GALNT17: variants seen among roughly 807,000 people sequenced by gnomAD.
The protein encoded by GALNT17 is UDP-GalNAc:polypeptide N-acetylgalactosaminyltransferase-like 3.
A neutral mutation model predicts 63.7 loss-of-function variants in GALNT17; 29 were observed. The ratio of observed to expected loss-of-function variants is 0.46; its 90% CI spans 0.34 to 0.62. The LOEUF (loss-of-function observed/expected upper bound fraction) is 0.62. Among genes scored for constraint, GALNT17 ranks in the 20% least tolerant of loss-of-function variants. GALNT17 has a pLI of 0.01. For synonymous variants in GALNT17, 305 were observed against 318.3 expected, an observed-to-expected ratio of 0.96 and a Z score of 0.45; for missense variants, 603 against 799.6, an observed-to-expected ratio of 0.75 and a Z score of 2.97.
In GALNT17 at chr7:71,448,922, GGA is replaced by G. The variant is rs200627708; in HGVS notation, c.962+27821_962+27822del. On this transcript the variant is annotated intron_variant, in intron 5 of 10. Transcript: ENST00000333538. ...AGGTAGCCAGTGGGGGTAATGACTG[GGA>G]GAGTGCATAGAAGGGATTTCTAGGA... is the stretch of plus-strand genomic sequence containing the variant. Among the ~76,000 whole-genome samples the G allele has an allele frequency of 5.0e-3, 756 of 152,000 alleles. 4 individuals are homozygous for G. The highest frequency in any genetic ancestry group is 0.015 in the African/African-American group (631 of 41,464).
intron 5 of GALNT17, among the ~76,000 whole-genome samples, chr7:71,557,171 C>T (rs548668429): frequency 6.6e-6 from 1 of 151,924 alleles, no homozygotes; most frequent in East Asian, 1.9e-4. Flanking sequence ...GGATTACAGG[C>T]GTGAACCACC....
intron 5 of GALNT17, among the ~76,000 whole-genome samples, chr7:71,489,273 G>T (rs548345260): frequency 6.6e-6 from 1 of 152,206 alleles, no homozygotes; most frequent in South Asian, 2.1e-4. Context: ...CTTCAGATGG[G>T]TCAGCCGGAC....
intron 6 of GALNT17, among the ~76,000 whole-genome samples, chr7:71,664,777 T>C (rs967896085): frequency 3.3e-5 from 5 of 152,194 alleles, no homozygotes; most frequent in Admixed American, 3.3e-4. Context: ...TTGTGCATTA[T>C]TGAGAACATA....
intron 9 of GALNT17, among the ~76,000 whole-genome samples, chr7:71,705,457 T>C (rs960306783): frequency 4.6e-5 from 7 of 152,128 alleles, no homozygotes; most frequent in Non-Finnish European, 2.9e-5. Context: ...AGTTTGGCAG[T>C]TCCGTAGAAA....
Position 71,710,946 on chromosome 7 carries a change from A to G in GALNT17, c.1668+18A>G, listed in dbSNP as rs1277965998. On this transcript the variant is annotated intron_variant, in intron 10 of 10. Coordinates refer to ENST00000333538, the MANE Select transcript of GALNT17 (RefSeq NM_022479.3). ...TCATCCAGGTGAGTGCTGTATGGAC[A>G]GAGCCAGCACCCAGAGTAGCTGCAA... 6.2e-7 allele frequency: 1 copy of G among 1,611,790 alleles called. No individual in the cohort carries two copies. Among genetic ancestry groups the G allele is most frequent in the East Asian group, 2.2e-5 (1 of 44,864 alleles).
At chr7:71,426,402 G>C (rs1409060904) in intron 5 of GALNT17, among the ~76,000 whole-genome samples, 3 of 152,194 alleles carry the variant, frequency 2.0e-5, no homozygotes, top group African/African-American at 7.2e-5. Flanking sequence ...TAAATCTGCT[G>C]TCTTAAGCTC....
At chr7:71,139,790 C>G (rs1459735729) in intron 1 of GALNT17, among the ~76,000 whole-genome samples, 1 of 152,008 alleles carries the variant, frequency 6.6e-6, no homozygotes. Context: ...GTCAGGAGTT[C>G]CAGACCAGCC....
intron 4 of GALNT17, among the ~76,000 whole-genome samples, chr7:71,420,073 T>C (rs1356777396): frequency 6.6e-6 from 1 of 152,188 alleles, no homozygotes; most frequent in East Asian, 1.9e-4. Context: ...GGGAGATTAA[T>C]GCCCTGGCTT....
At chr7:71,397,438 G>T (rs75421415) in intron 3 of GALNT17, among the ~76,000 whole-genome samples, 1 of 152,048 alleles carries the variant, frequency 6.6e-6, no homozygotes. Flanking sequence ...TGAGAGATAC[G>T]AGATATGATA....
At chr7:71,441,083 C>T (rs909298129) in intron 5 of GALNT17, among the ~76,000 whole-genome samples, 3 of 151,198 alleles carry the variant, frequency 2.0e-5, no homozygotes, top group African/African-American at 7.3e-5. Flanking sequence ...AGTGCAGTGG[C>T]GCGATCTTGG....
At chr7:71,466,884 G>A (rs1787544805) in intron 5 of GALNT17, among the ~76,000 whole-genome samples, 1 of 152,152 alleles carries the variant, frequency 6.6e-6, no homozygotes, top group East Asian at 1.9e-4. Context: ...GTTTTTGCCT[G>A]TAACTTATCT....
chr7:71,541,014 A>G (rs1315128104), intron 5 of GALNT17, among the ~76,000 whole-genome samples: 1 of 152,068 alleles, frequency 6.6e-6, no homozygotes, highest in African/African-American at 2.4e-5. Context: ...CGAGGTGGGC[A>G]GATCACTTGA....
At chr7:71,442,358 G>A (rs1369310129) in intron 5 of GALNT17, among the ~76,000 whole-genome samples, 3 of 151,962 alleles carry the variant, frequency 2.0e-5, no homozygotes, top group South Asian at 4.2e-4. Flanking sequence ...CACCATGCCC[G>A]GCTAATTTTT....
intron 6 of GALNT17, among the ~76,000 whole-genome samples, chr7:71,633,761 C>T (rs1790490214): frequency 1.3e-5 from 2 of 152,222 alleles, no homozygotes; most frequent in Admixed American, 1.3e-4. Context: ...ACAAGCCTCT[C>T]ACTCATTCCT....
intron 6 of GALNT17, among the ~76,000 whole-genome samples, chr7:71,591,962 C>T (rs1410170075): frequency 3.3e-5 from 5 of 152,192 alleles, no homozygotes; most frequent in Non-Finnish European, 7.3e-5. Context: ...AGCACCCTGC[C>T]GAAATGTCAT....
At position 71,431,204 on chromosome 7, in the gene GALNT17, C is replaced by CTTTCTTTTTTTTTTTTTTT. The variant is rs1563087533; in HGVS notation, c.962+10102_962+10103insCTTTTTTTTTTTTTTTTTT. 1.5e-5 allele frequency among the ~76,000 whole-genome samples: 2 copies of CTTTCTTTTTTTTTTTTTTT among 136,364 alleles called. 1 individual carries two copies. The allele number at this position is 136,364 out of a possible 152,430, so 89.5% of individuals were successfully genotyped here. ...CCCTATGAGTATTTTTTTTTCTTTT[C>CTTTCTTTTTTTTTTTTTTT]TTTTCTTTTTTTTTTTTTTTTTTTT... On this transcript the variant is annotated intron_variant, in intron 5 of 10. Transcript: ENST00000333538.
At chr7:71,423,656 G>A (rs866011001) in intron 5 of GALNT17, among the ~76,000 whole-genome samples, 14 of 152,326 alleles carry the variant, frequency 9.2e-5, no homozygotes, top group Middle Eastern at 3.4e-3. Flanking sequence ...GCCCTCACCT[G>A]TAATCTCAGC....
rs542136452 is a variant in GALNT17 at position 71,245,848 on chromosome 7, G to GTTTTTTTTTTTTTTTTTTTTTTT, written c.239-89686_239-89685insTTTTTTTTTTTTTTTTTTTTTTT. 5.6e-3 allele frequency among the ~76,000 whole-genome samples: 689 copies of GTTTTTTTTTTTTTTTTTTTTTTT among 122,624 alleles called. 18 individuals are homozygous for GTTTTTTTTTTTTTTTTTTTTTTT. The highest frequency in any genetic ancestry group is 8.1e-3 in the Non-Finnish European group (460 of 56,634). 80.4% of individuals were successfully genotyped at this position (122,624 alleles called of 152,430 possible). The stretch of plus-strand genomic sequence containing the variant: ...AGGTCTGCAGAGAGCAAGAGAGCAG[G>GTTTTTTTTTTTTTTTTTTTTTTT]TTTTTTTTTTTTTTTTGCAAAGGTA... On this transcript the variant is annotated intron_variant, in intron 1 of 10. Coordinates refer to ENST00000333538, the MANE Select transcript of GALNT17 (RefSeq NM_022479.3).
intron 3 of GALNT17, among the ~76,000 whole-genome samples, chr7:71,403,250 G>A (rs1489093639): frequency 6.6e-6 from 1 of 152,196 alleles, no homozygotes; most frequent in African/African-American, 2.4e-5. Flanking sequence ...AAGATGAACA[G>A]GAAATTCCAT....
Sources: gnomAD v4.1 joint callset for allele counts (sites outside exome capture counted in the v4.1 genomes callset) on GRCh38, gnomAD v4.1.1 for gene constraint, MANE v1.5 for transcripts, NCBI Gene and HGNC (gene_info 2026-07-23, HGNC 2026-07-21) for gene names.